Variants in LDLRAD3 observed in about 807,000 individuals in gnomAD.
LDLRAD3 encodes low-density lipoprotein receptor class A domain-containing protein 3.
In LDLRAD3, 20 loss-of-function variants were observed where a neutral mutation model predicts 29.4. The observed-to-expected ratio is 0.68, with a 90% CI of 0.48 to 0.99. The LOEUF (loss-of-function observed/expected upper bound fraction) is 0.99. Ranked by LOEUF, LDLRAD3 falls within the 50% of genes least tolerant of loss-of-function variation. LDLRAD3 has a pLI of 0.00. For missense variants in LDLRAD3, 420 were observed against 454.3 expected (o/e 0.92, Z 0.69); for synonymous variants, 157 against 192.7 (o/e 0.81, Z 1.53).
chr11:36,058,236 T>C lies in LDLRAD3; in HGVS notation c.193+21987T>C, dbSNP rs115704735. Reference sequence around the variant, plus strand: ...TCTCACACCCTGGTGCTGTGGCACATGCCATTTCCCTCTGTGCCTCTGTCT... The same window carrying C: ...TCTCACACCCTGGTGCTGTGGCACACGCCATTTCCCTCTGTGCCTCTGTCT... On this transcript the variant is annotated intron_variant, in intron 2 of 5. Transcript: ENST00000315571. 2.0e-3 allele frequency among the ~76,000 whole-genome samples: 312 copies of C among 152,284 alleles called. 2 individuals carry two copies. The highest frequency in any genetic ancestry group is 6.9e-3 in the African/African-American group (287 of 41,552).
intron 4 of LDLRAD3, among the ~76,000 whole-genome samples, chr11:36,181,601 A>G (rs1415290377): frequency 6.6e-6 from 1 of 152,192 alleles, no homozygotes; most frequent in East Asian, 1.9e-4. Context: ...CGCCTCTGGC[A>G]TCTCCTGCTG....
At chr11:36,172,127 G>T (rs1413962161) in intron 4 of LDLRAD3, among the ~76,000 whole-genome samples, 1 of 151,968 alleles carries the variant, frequency 6.6e-6, no homozygotes, top group African/African-American at 2.4e-5. Flanking sequence ...TTCTCAGCTT[G>T]GTCGCTGTTG....
chr11:36,150,480 A>G (rs1387768060), intron 4 of LDLRAD3, among the ~76,000 whole-genome samples: 1 of 152,058 alleles, frequency 6.6e-6, no homozygotes, highest in Non-Finnish European at 1.5e-5. Context: ...GTGTGTTATA[A>G]TTGTACCAGT....
chr11:35,948,202 A>C (rs1459689863), intron 1 of LDLRAD3, among the ~76,000 whole-genome samples: 5 of 152,216 alleles, frequency 3.3e-5, no homozygotes, highest in Non-Finnish European at 4.4e-5. Flanking sequence ...AGAATTAAAA[A>C]AATAAGGTAC....
At chr11:36,065,283 C>CT (rs1046078004) in intron 2 of LDLRAD3, among the ~76,000 whole-genome samples, 7 of 152,046 alleles carry the variant, frequency 4.6e-5, no homozygotes, top group East Asian at 1.9e-4. Context: ...AGGAACTGAA[C>CT]TTTTTTTTGT....
At chr11:36,038,469 A>C (rs1852333425) in intron 2 of LDLRAD3, among the ~76,000 whole-genome samples, 1 of 152,218 alleles carries the variant, frequency 6.6e-6, no homozygotes, top group Non-Finnish European at 1.5e-5. Context: ...GCACATGATC[A>C]GTTTCTGAAA....
intron 1 of LDLRAD3, chr11:35,997,379 T>C: frequency 4.4e-6 from 2 of 454,136 alleles, no homozygotes; most frequent in African/African-American, 2.0e-5. Flanking sequence ...ATTTCCATTG[T>C]GTTTAATGTT....
At chr11:36,034,662 T>A (rs1245030855) in intron 1 of LDLRAD3, among the ~76,000 whole-genome samples, 1 of 152,224 alleles carries the variant, frequency 6.6e-6, no homozygotes, top group Non-Finnish European at 1.5e-5. Flanking sequence ...TGCAATTGGT[T>A]GTTGCCCGCT....
chr11:36,116,452 A>G (rs1407557062), intron 4 of LDLRAD3, among the ~76,000 whole-genome samples: 2 of 152,098 alleles, frequency 1.3e-5, no homozygotes, highest in Non-Finnish European at 2.9e-5. Flanking sequence ...GGGGATGCTC[A>G]TAAGGCGCTT....
At chr11:36,226,253 C>T (rs1426167743) in intron 4 of LDLRAD3, among the ~76,000 whole-genome samples, 2 of 152,108 alleles carry the variant, frequency 1.3e-5, no homozygotes, top group African/African-American at 4.8e-5. Context: ...GAGAGGGTAA[C>T]ACTTCCAAAG....
At chr11:35,961,534 A>G (rs1007252084) in intron 1 of LDLRAD3, among the ~76,000 whole-genome samples, 11 of 152,206 alleles carry the variant, frequency 7.2e-5, no homozygotes, top group Admixed American at 2.6e-4. Context: ...CCATGCTGGC[A>G]TTTCAGGAGC....
intron 1 of LDLRAD3, among the ~76,000 whole-genome samples, chr11:35,950,455 T>A (rs1277838727): frequency 2.0e-5 from 3 of 152,172 alleles, no homozygotes; most frequent in Non-Finnish European, 4.4e-5. Context: ...TAGAAATGTC[T>A]TCTGTGGCTT....
intron 2 of LDLRAD3, among the ~76,000 whole-genome samples, chr11:36,064,204 T>C (rs1433340225): frequency 6.6e-6 from 1 of 152,258 alleles, no homozygotes; most frequent in Non-Finnish European, 1.5e-5. Flanking sequence ...ATTTCATTTT[T>C]GGATTGCTGA....
chr11:35,945,725 C>T (rs1851048269), intron 1 of LDLRAD3, among the ~76,000 whole-genome samples: 1 of 152,152 alleles, frequency 6.6e-6, no homozygotes, highest in Admixed American at 6.5e-5. Flanking sequence ...TGTGTGTGTC[C>T]TGGGAGAGCC....
At chr11:36,008,141 T>C (rs547119437) in intron 1 of LDLRAD3, among the ~76,000 whole-genome samples, 2 of 152,304 alleles carry the variant, frequency 1.3e-5, no homozygotes, top group East Asian at 3.9e-4. Flanking sequence ...ATGGTAGTTA[T>C]CATTAGGGCC....
At position 36,227,087 on chromosome 11, in the gene LDLRAD3, C is replaced by T; in HGVS notation, c.457C>T (p.Pro153Ser). Residue 153 changes from proline to serine, a missense_variant and splice_region_variant, in exon 5 of 6, where the codon CCC becomes TCC. Physicochemically the swap from Pro to Ser is moderately conservative, Grantham distance 74. Around this residue, in one of 3 missense-constraint regions of LDLRAD3, gnomAD observed 224 missense variants for 222.2 expected, o/e 1.01. Transcript: ENST00000315571. ...DEESCESSQE[P>S]GSGQVFVTSE... ...CTCTCCTCTCTTGGGTTTCTCAGAA[C>T]CCGGCAGTGGGCAGGTGTTTGTGAC... 1 of 1,582,396 alleles carries T rather than the reference C, an allele frequency of 6.3e-7. No individual in the cohort carries two copies.
chr11:36,186,445 A>G (rs1030914833), intron 4 of LDLRAD3, among the ~76,000 whole-genome samples: 16 of 152,298 alleles, frequency 1.1e-4, no homozygotes, highest in South Asian at 8.3e-4. Context: ...GAAATTGACA[A>G]TGGTAGCTGG....
chr11:36,165,938 C>T (rs1854506171), intron 4 of LDLRAD3, among the ~76,000 whole-genome samples: 1 of 128,132 alleles, frequency 7.8e-6, no homozygotes, highest in African/African-American at 3.4e-5. Context: ...GGCTGACTGG[C>T]TTGCTTCCTC....
intron 1 of LDLRAD3, among the ~76,000 whole-genome samples, chr11:36,020,708 G>A (rs1358141554): frequency 6.6e-6 from 1 of 152,176 alleles, no homozygotes; most frequent in Admixed American, 6.5e-5. Flanking sequence ...CTTGTACATT[G>A]TCTTGGGGGA....
Sources: allele counts gnomAD v4.1 joint callset (sites outside exome capture counted in the v4.1 genomes callset), GRCh38; gene constraint gnomAD v4.1.1; regional missense constraint gnomAD v4.1.1; transcripts MANE v1.5; gene names NCBI Gene and HGNC (gene_info 2026-07-23, HGNC 2026-07-21).